The following TTLL5 variants were observed in gnomAD, a reference collection of about 807,000 sequenced individuals.
TTLL5 encodes the protein tubulin tyrosine ligase like 5.
Under a neutral mutation model 168.4 loss-of-function variants are expected in TTLL5, and 132 were observed. That is an observed-to-expected ratio of 0.78 (90% CI 0.68 to 0.91). TTLL5 has a LOEUF of 0.91. Ranked by LOEUF, TTLL5 falls within the 40% of genes least tolerant of loss-of-function variation. The probability of loss-of-function intolerance (pLI) is 0.00; values close to 1 mark genes in which losing one functional copy is unlikely to be tolerated. For missense variants in TTLL5, 1,545 were observed against 1,581.5 expected (o/e 0.98, Z 0.39); for synonymous variants, 546 against 558.6 (o/e 0.98, Z 0.32).
At chr14:75,916,770 G>A (rs912179681) in intron 31 of TTLL5, among the ~76,000 whole-genome samples, 3 of 152,196 alleles carry the variant, frequency 2.0e-5, no homozygotes, top group African/African-American at 7.2e-5. Context: ...GTAATCAAAA[G>A]ACAGAAGCAT....
At chr14:75,764,890 T>A in intron 19 of TTLL5, 118 bp downstream of exon 19, 1 of 1,166,610 alleles carries the variant, frequency 8.6e-7, no homozygotes. Context: ...ACACCTTTTT[T>A]ATATAGTTTT....
At chr14:75,779,531 C>T (rs764538291) in intron 23 of TTLL5, 44 bp from the exon 24 acceptor site, 2 of 1,585,324 alleles carry the variant, frequency 1.3e-6, no homozygotes, top group South Asian at 2.4e-5. Context: ...AAAGATTTTC[C>T]AGAATAGCTT....
At position 75,734,067 on chromosome 14, in the gene TTLL5, T is replaced by C. The variant is rs895628846; in HGVS notation, c.1186+17T>C. 1 of 1,612,778 alleles carries C rather than the reference T, an allele frequency of 6.2e-7. No homozygotes were observed. The highest frequency in any genetic ancestry group is 1.7e-4 in the Middle Eastern group (1 of 6,056). ...CTGTTGTAGGTGAGTAGTAGTATTT[T>C]CTGAACTGGACTCACATAAAAATTA... On this transcript the variant is annotated intron_variant, in intron 14 of 31. Coordinates refer to ENST00000298832, the MANE Select transcript of TTLL5 (RefSeq NM_015072.5).
intron 31 of TTLL5, among the ~76,000 whole-genome samples, chr14:75,949,523 T>C (rs2140216740): frequency 6.7e-6 from 1 of 150,156 alleles, no homozygotes; most frequent in South Asian, 2.1e-4. Context: ...CTTTAAGAAA[T>C]TAATGGAGAG....
intron 28 of TTLL5, among the ~76,000 whole-genome samples, chr14:75,848,452 A>G (rs1269712453): frequency 6.6e-6 from 1 of 152,082 alleles, no homozygotes; most frequent in Non-Finnish European, 1.5e-5. Context: ...AATAAGGGCC[A>G]GCTGTGCTTA....
intron 2 of TTLL5, 122 bp from the exon 3 acceptor site, chr14:75,669,294 A>G: frequency 1.2e-6 from 1 of 827,598 alleles, no homozygotes; most frequent in Non-Finnish European, 1.9e-6. Flanking sequence ...CCCACAGGAT[A>G]TTTGGGATTT....
At chr14:75,866,650 T>G (rs1404012859) in intron 29 of TTLL5, among the ~76,000 whole-genome samples, 1 of 152,216 alleles carries the variant, frequency 6.6e-6, no homozygotes, top group Non-Finnish European at 1.5e-5. Context: ...CTTTTCGGCC[T>G]CCAGTCAGAA....
At chr14:75,685,156 C>T (rs896996179) in intron 5 of TTLL5, among the ~76,000 whole-genome samples, 2 of 151,920 alleles carry the variant, frequency 1.3e-5, no homozygotes, top group Non-Finnish European at 2.9e-5. Flanking sequence ...CCAAGGCAGA[C>T]AGATCGCTTG....
chr14:75,818,643 A>G (rs1302714852), intron 27 of TTLL5: 1 of 174,416 alleles, frequency 5.7e-6, no homozygotes, highest in Admixed American at 7.1e-5. Flanking sequence ...GCCTGCCACC[A>G]CGCCTGGCTA....
At chr14:75,918,582 T>C (rs1488382504) in intron 31 of TTLL5, among the ~76,000 whole-genome samples, 1 of 151,870 alleles carries the variant, frequency 6.6e-6, no homozygotes, top group Non-Finnish European at 1.5e-5. Flanking sequence ...GTTTAAAAGG[T>C]CACCGTAAAT....
At position 75,716,685 on chromosome 14, in the gene TTLL5, G is replaced by A. The variant is rs183532726; in HGVS notation, c.741-1176G>A. On this transcript the variant is annotated intron_variant, in intron 9 of 31. Transcript: ENST00000298832. ...ATATGGTTACAGTGGTATGTAAACA[G>A]GGGTTGATATCTACCATAACCATTC... Among the ~76,000 whole-genome samples the A allele has an allele frequency of 1.8e-4, 28 of 152,192 alleles. 1 individual carries two copies. In the East Asian group the frequency reaches 4.6e-3, roughly 25 times the overall value.
At chr14:75,860,021 A>G (rs1237472242) in intron 28 of TTLL5, among the ~76,000 whole-genome samples, 3 of 152,218 alleles carry the variant, frequency 2.0e-5, no homozygotes, top group Admixed American at 6.5e-5. Context: ...CCTCTTTGCT[A>G]AAAGCCTCTA....
At chr14:75,823,315 C>T (rs1193148807) in intron 28 of TTLL5, among the ~76,000 whole-genome samples, 1 of 152,198 alleles carries the variant, frequency 6.6e-6, no homozygotes, top group Non-Finnish European at 1.5e-5. Context: ...GCAGAGCCAT[C>T]TCATCATTAC....
At position 75,779,614 on chromosome 14, in the gene TTLL5, A is replaced by G; in HGVS notation, c.2427A>G (p.Gln809=). Residue 809 remains glutamine (Q), a synonymous_variant, in exon 24 of 32, where the codon CAA becomes CAG. Coordinates refer to ENST00000298832, the MANE Select transcript of TTLL5 (RefSeq NM_015072.5). ...ELEEVLTFYT[Q]KNKSASVFLG... ...AGGAGGTGTTGACTTTTTATACCCA[A>G]AAGAACAAGTCTGCTAGTGTCTTCC... is the stretch of plus-strand genomic sequence containing the variant. 6.2e-7 allele frequency: 1 copy of G among 1,613,738 alleles called. No individual in the cohort carries two copies.
chr14:75,935,476 A>T (rs901715539), intron 31 of TTLL5, among the ~76,000 whole-genome samples: 1 of 152,228 alleles, frequency 6.6e-6, no homozygotes, highest in African/African-American at 2.4e-5. Flanking sequence ...ACAAGATGAT[A>T]GGCTGATTCT....
chr14:75,767,705 G>C (rs898295547), intron 20 of TTLL5, among the ~76,000 whole-genome samples: 1 of 152,202 alleles, frequency 6.6e-6, no homozygotes, highest in African/African-American at 2.4e-5. Flanking sequence ...CTTTTAAGCA[G>C]ATAAATGATA....
At chr14:75,932,891 A>G (rs2034320441) in intron 31 of TTLL5, among the ~76,000 whole-genome samples, 1 of 152,126 alleles carries the variant, frequency 6.6e-6, no homozygotes, top group African/African-American at 2.4e-5. Context: ...TTTTTTGTTT[A>G]TTACTATCAA....
intron 31 of TTLL5, among the ~76,000 whole-genome samples, chr14:75,941,986 C>T (rs1314312702): frequency 6.6e-6 from 1 of 150,486 alleles, no homozygotes; most frequent in Non-Finnish European, 1.5e-5. Flanking sequence ...TCAAGACCAT[C>T]CTGGCTAACA....
At chr14:75,895,961 A>G (rs1008582316) in intron 30 of TTLL5, among the ~76,000 whole-genome samples, 2 of 152,186 alleles carry the variant, frequency 1.3e-5, no homozygotes, top group East Asian at 3.8e-4. Context: ...AGACTAATGA[A>G]TAAAAAGAGA....
Sources: allele counts gnomAD v4.1 joint callset (sites outside exome capture counted in the v4.1 genomes callset), GRCh38; gene constraint gnomAD v4.1.1; transcripts MANE v1.5; gene names NCBI Gene and HGNC (gene_info 2026-07-23, HGNC 2026-07-21).